Variants in PLEKHO2 observed in about 807,000 individuals in gnomAD.
The protein encoded by PLEKHO2 is pleckstrin homology domain-containing family O member 2.
Under a neutral mutation model 32.7 loss-of-function variants are expected in PLEKHO2, and 20 were observed. The ratio of observed to expected loss-of-function variants is 0.61; its 90% CI spans 0.43 to 0.89. The LOEUF is 0.89. Among genes scored for constraint, PLEKHO2 ranks in the 40% least tolerant of loss-of-function variants. The pLI, the probability that PLEKHO2 is intolerant of heterozygous loss-of-function variation, is 0.00. For missense variants in PLEKHO2, 568 were observed against 621.2 expected (o/e 0.91, Z 0.91); for synonymous variants, 247 against 246.3 (o/e 1.00, Z -0.03).
In PLEKHO2 at chr15:64,864,891, C is replaced by A. The variant is rs772825863; in HGVS notation, c.484-8C>A. 3.2e-6 allele frequency: 5 copies of A among 1,579,590 alleles called. No individual in the cohort carries two copies. Among genetic ancestry groups the A allele is most frequent in the Non-Finnish European group, 4.3e-6 (5 of 1,161,414 alleles). On this transcript the variant is annotated splice_polypyrimidine_tract_variant and splice_region_variant and intron_variant, in intron 5 of 5. Transcript: ENST00000323544. ...AAGATGACACCCATATACCATCCCC[C>A]CCACCAGGTGGCCAGTGCAGCTTCT...
chr15:64,842,378 CTCTCTCTCTCTCTGTGTG>C (rs2084490934), intron 1 of PLEKHO2, among the ~76,000 whole-genome samples: 2 of 22,688 alleles, frequency 8.8e-5, no homozygotes, highest in South Asian at 5.1e-3. Flanking sequence ...GATCCTGACT[CTCTCTCTCTCTCTGTGTG>C]TGTGTGTGTG....
intron 1 of PLEKHO2, among the ~76,000 whole-genome samples, chr15:64,844,525 C>T (rs2084508701): frequency 6.6e-6 from 1 of 152,186 alleles, no homozygotes; most frequent in Non-Finnish European, 1.5e-5. Flanking sequence ...GGGGCTCTGT[C>T]CTCTGCCAGC....
intron 2 of PLEKHO2, among the ~76,000 whole-genome samples, chr15:64,854,115 C>A (rs2084590055): frequency 6.6e-6 from 1 of 152,172 alleles, no homozygotes; most frequent in African/African-American, 2.4e-5. Flanking sequence ...GAGGGAGGAG[C>A]TTTTCCCAGG....
chr15:64,845,785 G>C (rs935636680), intron 1 of PLEKHO2, among the ~76,000 whole-genome samples: 1 of 152,200 alleles, frequency 6.6e-6, no homozygotes, highest in Non-Finnish European at 1.5e-5. Flanking sequence ...TGGCCCTAGG[G>C]AGCTTCCAGA....
intron 1 of PLEKHO2, among the ~76,000 whole-genome samples, chr15:64,847,674 C>A (rs1191228500): frequency 6.6e-6 from 1 of 152,126 alleles, no homozygotes; most frequent in African/African-American, 2.4e-5. Context: ...AGTAGCTGGC[C>A]CCAAGGCTCC....
chr15:64,859,072 G>T (rs1030490268), intron 3 of PLEKHO2, among the ~76,000 whole-genome samples: 2 of 152,116 alleles, frequency 1.3e-5, no homozygotes, highest in Non-Finnish European at 2.9e-5. Context: ...TGTTTTCAAG[G>T]TTCATCCCTG....
chr15:64,858,746 C>T (rs2084622600), intron 3 of PLEKHO2, among the ~76,000 whole-genome samples: 1 of 152,006 alleles, frequency 6.6e-6, no homozygotes, highest in African/African-American at 2.4e-5. Flanking sequence ...ATCTTTTTTC[C>T]CTCAATTAAA....
intron 3 of PLEKHO2, among the ~76,000 whole-genome samples, chr15:64,856,297 G>A (rs2084605795): frequency 6.6e-6 from 1 of 152,174 alleles, no homozygotes; most frequent in Admixed American, 6.5e-5. Context: ...TATGTTCTGT[G>A]TGAAGATCTG....
At position 64,846,461 on chromosome 15, in the gene PLEKHO2, C is replaced by T. The variant is rs183068922; in HGVS notation, c.13-2132C>T. Among the ~76,000 whole-genome samples the T allele has an allele frequency of 3.4e-3, 514 of 152,080 alleles. 2 individuals are homozygous for T. Among genetic ancestry groups the T allele is most frequent in the Middle Eastern group, 0.01 (3 of 294 alleles). On this transcript the variant is annotated intron_variant, in intron 1 of 5. Transcript: ENST00000323544. ...CTGAGTAGCTGGGATTACAGGCGTG[C>T]GCCACCACCGCCCGGCTATTTTTTG...
chr15:64,841,950 C>T lies in PLEKHO2; in HGVS notation c.-67C>T, dbSNP rs187639034. 8.9e-6 allele frequency: 11 copies of T among 1,238,706 alleles called. No individual in the cohort carries two copies. Among genetic ancestry groups the T allele is most frequent in the African/African-American group, 1.6e-5 (1 of 64,322 alleles). 76.7% of individuals were successfully genotyped at this position (1,238,706 alleles called of 1,614,324 possible). A position where few individuals can be genotyped will look rare whatever the true frequency, so the allele number is the denominator to read the frequency against. On this transcript the variant is annotated 5_prime_UTR_variant, in exon 1 of 6. It adds an upstream start codon to the 5' untranslated region. Transcript: ENST00000323544. ...GAGTCGCCGCCTGGCCGGGCGTAGA[C>T]GCGGTGGCAGAGCCCGCGCGGCGCT... is the stretch of plus-strand genomic sequence containing the variant.
Position 64,865,086 on chromosome 15 carries a change from C to T in PLEKHO2, c.671C>T (p.Thr224Ile), listed in dbSNP as rs1270937079. ...ACCAGCCCTGGTGACAGGGTGGAGA[C>T]CCCTGTGGGGGAGAGAGCCCCAACC... ...ETTSPGDRVE[T>I]PVGERAPTPV... The change falls in exon 6 of 6, where the codon ACC (threonine) becomes ATC (isoleucine). Residue 224 changes from threonine (T) to isoleucine (I), a missense_variant. Coordinates refer to ENST00000323544, the MANE Select transcript of PLEKHO2 (RefSeq NM_025201.5). 3 of 1,614,114 alleles carry T rather than the reference C, an allele frequency of 1.9e-6. No individual in the cohort carries two copies. Among genetic ancestry groups the T allele is most frequent in the Non-Finnish European group, 2.5e-6 (3 of 1,179,998 alleles).
rs759474291 is a variant in PLEKHO2, at chr15:64,865,390, G to A, written c.975G>A (p.Met325Ile). ...KILSEKLKAS[M>I]GEMQASGPPA... Reference sequence around the variant, plus strand: ...TATCAGAGAAACTGAAAGCCTCCATGGGTGAGATGCAGGCTTCTGGGCCAC... The same window carrying A: ...TATCAGAGAAACTGAAAGCCTCCATAGGTGAGATGCAGGCTTCTGGGCCAC... Residue 325 changes from methionine (M) to isoleucine (I), a missense_variant, in exon 6 of 6, where the codon ATG (methionine) becomes ATA (isoleucine). Met to Ile is a conservative substitution (Grantham distance 10). Coordinates refer to ENST00000323544, the MANE Select transcript of PLEKHO2 (RefSeq NM_025201.5). 1.2e-6 allele frequency: 2 copies of A among 1,613,846 alleles called. No individual in the cohort carries two copies. Among genetic ancestry groups the A allele is most frequent in the South Asian group, 2.2e-5 (2 of 91,084 alleles).
chr15:64,842,372 C>T (rs998025434), intron 1 of PLEKHO2, among the ~76,000 whole-genome samples: 3 of 55,312 alleles, frequency 5.4e-5, no homozygotes, highest in Admixed American at 2.2e-4. Flanking sequence ...TGGTCGGATC[C>T]TGACTCTCTC....
chr15:64,847,384 C>T (rs932759586), intron 1 of PLEKHO2, among the ~76,000 whole-genome samples: 4 of 152,200 alleles, frequency 2.6e-5, no homozygotes, highest in Admixed American at 2.6e-4. Flanking sequence ...TGCTAATTTC[C>T]TTCTAGCAGC....
intron 3 of PLEKHO2, among the ~76,000 whole-genome samples, chr15:64,856,923 T>C (rs1187986209): frequency 1.3e-5 from 2 of 151,234 alleles, no homozygotes; most frequent in African/African-American, 4.8e-5. Flanking sequence ...TGACCCTGGC[T>C]GTCTGGTCCT....
intron 1 of PLEKHO2, among the ~76,000 whole-genome samples, chr15:64,843,663 C>T (rs111231537): frequency 0.018 from 2,718 of 151,790 alleles, 56 homozygotes; most frequent in South Asian, 0.031. Flanking sequence ...TCACCGCAAC[C>T]GCCACCTCCT....
intron 3 of PLEKHO2, 69 bp from the exon 4 acceptor site, chr15:64,859,825 G>A (rs781468569): frequency 1.3e-4 from 179 of 1,338,196 alleles, no homozygotes; most frequent in Non-Finnish European, 1.8e-4. Context: ...AGGTAAGGAA[G>A]CCTCCTTAAG....
intron 2 of PLEKHO2, among the ~76,000 whole-genome samples, chr15:64,853,494 C>T (rs756451240): frequency 8.6e-5 from 13 of 151,848 alleles, no homozygotes; most frequent in Non-Finnish European, 1.5e-4. Flanking sequence ...TGGGGTTTCA[C>T]TGTGTTGGCC....
At chr15:64,848,855 G>A in intron 2 of PLEKHO2, 113 bp downstream of exon 2, 2 of 1,341,172 alleles carry the variant, frequency 1.5e-6, no homozygotes, top group Non-Finnish European at 2.1e-6. Flanking sequence ...CTCTACTTTT[G>A]CCATGCTGTG....
Sources: allele counts gnomAD v4.1 joint callset (sites outside exome capture counted in the v4.1 genomes callset), GRCh38; gene constraint gnomAD v4.1.1; transcripts MANE v1.5; gene names NCBI Gene and HGNC (gene_info 2026-07-23, HGNC 2026-07-21).